BNIP3: variants seen among roughly 807,000 people sequenced by gnomAD.
BNIP3 encodes BCL2/adenovirus E1B 19 kDa protein-interacting protein 3.
A neutral mutation model predicts 23.9 loss-of-function variants in BNIP3; 16 were observed. The ratio of observed to expected loss-of-function variants is 0.67; its 90% CI spans 0.45 to 1.01. BNIP3 has a LOEUF of 1.01. Among genes scored for constraint, BNIP3 ranks in the 50% least tolerant of loss-of-function variants. The pLI, the probability that BNIP3 is intolerant of heterozygous loss-of-function variation, is 0.00. For synonymous variants in BNIP3, 81 were observed against 89.3 expected (o/e 0.91, Z 0.53); for missense variants, 198 against 248.7 (o/e 0.80, Z 1.37).
Position 131,970,538 on chromosome 10 carries a change from G to T in BNIP3, c.539+100C>A. The T allele has an allele frequency of 6.9e-7, 1 of 1,454,308 alleles. No homozygotes were observed. The allele number at this position is 1,454,308 out of a possible 1,614,324, so 90.1% of individuals were successfully genotyped here. A position where few individuals can be genotyped will look rare whatever the true frequency, so the allele number is the denominator to read the frequency against. Reference sequence around the variant, plus strand: ...TGTGAAAATGCACCAAGCTGTAACTGATGATCTGGACTTCAGGAAACAGGT... The same window carrying T: ...TGTGAAAATGCACCAAGCTGTAACTTATGATCTGGACTTCAGGAAACAGGT... On this transcript the variant is annotated intron_variant, in intron 5 of 5. Coordinates refer to ENST00000368636, the MANE Select transcript of BNIP3 (RefSeq NM_004052.4). This position sits in a 1 kb window ranked among gnomAD's most constrained non-coding sequence, Gnocchi z 4.1.
At chr10:131,971,326 G>A in intron 3 of BNIP3, 1 of 270,990 alleles carries the variant, frequency 3.7e-6, no homozygotes, top group South Asian at 4.8e-5. Context: ...CGGCAGCACT[G>A]GTTATAAGAA....
At chr10:131,975,915 G>A (rs961422317) in intron 1 of BNIP3, among the ~76,000 whole-genome samples, 10 of 152,214 alleles carry the variant, frequency 6.6e-5, no homozygotes, top group African/African-American at 2.4e-4. Context: ...GCTCAATGGA[G>A]GAGAAAGGCC....
chr10:131,972,182 T>G (rs2037041161), intron 3 of BNIP3, among the ~76,000 whole-genome samples: 1 of 150,504 alleles, frequency 6.6e-6, no homozygotes, highest in African/African-American at 2.4e-5. Context: ...CAGGTACACT[T>G]TTTCCTCTAA....
At chr10:131,975,803 G>A (rs1160945537) in intron 1 of BNIP3, among the ~76,000 whole-genome samples, 5 of 152,172 alleles carry the variant, frequency 3.3e-5, no homozygotes, top group African/African-American at 7.2e-5. Flanking sequence ...TCAAATGAAC[G>A]CATGATTGTT....
At chr10:131,977,402 G>C (rs1157016300) in intron 1 of BNIP3, among the ~76,000 whole-genome samples, 2 of 152,250 alleles carry the variant, frequency 1.3e-5, no homozygotes, top group Non-Finnish European at 2.9e-5. Context: ...ACAACAGGGA[G>C]AGGAAGATGA....
Position 131,981,783 on chromosome 10 carries a change from C to T in BNIP3, c.24G>A (p.Gly8=). 2 of 1,483,224 alleles carry T rather than the reference C, an allele frequency of 1.3e-6. No individual in the cohort carries two copies. Among genetic ancestry groups the T allele is most frequent in the East Asian group, 2.9e-5 (1 of 34,298 alleles). 91.9% of individuals were successfully genotyped at this position (1,483,224 alleles called of 1,614,324 possible). A position where few individuals can be genotyped will look rare whatever the true frequency, so the allele number is the denominator to read the frequency against. ...CACCCTGCAGGCTCTCCTCCTGCAT[C>T]CCGGGCGCTCCGTTCTGCGACATGG... The part of the protein sequence containing the change: MSQNGAP[G]MQEESLQGSW... The change falls in exon 1 of 6, where the codon GGG becomes GGA. Residue 8 remains glycine, a synonymous_variant. Transcript: ENST00000368636.
Position 131,973,339 on chromosome 10 carries a change from C to T in BNIP3, c.198-221G>A, listed in dbSNP as rs1031740101. On this transcript the variant is annotated intron_variant, in intron 2 of 5. Coordinates refer to ENST00000368636, the MANE Select transcript of BNIP3 (RefSeq NM_004052.4). ...GAGCTAGCCAGTCTTCCAGAGAAGA[C>T]GCAGGGGCAACTGGCAAGCAGCTGG... The T allele has an allele frequency of 1.9e-4, 100 of 534,220 alleles. 1 individual carries two copies. The East Asian group carries it at 3.0e-3, about 16-fold the overall frequency. 33.1% of individuals were successfully genotyped at this position (534,220 alleles called of 1,614,324 possible).
At chr10:131,968,633 GA>G (rs2036992462) in intron 5 of BNIP3, 64 bp from the exon 6 acceptor site, 1 of 1,434,096 alleles carries the variant, frequency 7.0e-7, no homozygotes, top group East Asian at 2.3e-5. Flanking sequence ...TGTTACAGCT[GA>G]AACAGGGTAG....
In BNIP3 at chr10:131,973,890, C is replaced by T. The variant is rs747661174; in HGVS notation, c.100G>A (p.Ala34Thr). 1 of 1,613,328 alleles carries T rather than the reference C, an allele frequency of 6.2e-7. No individual in the cohort carries two copies. Among genetic ancestry groups the T allele is most frequent in the African/African-American group, 1.3e-5 (1 of 74,894 alleles). The change falls in exon 2 of 6, where the codon GCC (alanine) becomes ACC (threonine). Residue 34 changes from alanine (A) to threonine (T), a missense_variant. Transcript: ENST00000368636. Reference sequence around the variant, plus strand: ...TCTCCATTATAAATAGAAACCGAGGCTGGAACGCTGCCCCCGTTCCCATTA... The same window carrying T: ...TCTCCATTATAAATAGAAACCGAGGTTGGAACGCTGCCCCCGTTCCCATTA... ...SNNGNGGSVP[A>T]SVSIYNGDME...
intron 1 of BNIP3, chr10:131,980,324 A>G (rs749374827): frequency 3.9e-5 from 6 of 152,234 alleles, no homozygotes; most frequent in Non-Finnish European, 7.3e-5. Flanking sequence ...AAGAGTTTAT[A>G]AAAACATCCC....
chr10:131,969,112 C>T (rs45519634), intron 5 of BNIP3: 21,368 of 154,374 alleles, frequency 0.14, 1,568 homozygotes, highest in Middle Eastern at 0.16. Flanking sequence ...AGGGCAGAAT[C>T]GGAAGCCTGG....
At chr10:131,981,667 G>A (rs1415384868) in intron 1 of BNIP3, 94 bp downstream of exon 1, 12 of 1,374,094 alleles carry the variant, frequency 8.7e-6, no homozygotes, top group Non-Finnish European at 1.1e-5. Context: ...TGCCCCCTAG[G>A]CCTCCCCGGC....
intron 1 of BNIP3, among the ~76,000 whole-genome samples, chr10:131,974,982 G>T (rs2037068295): frequency 6.6e-6 from 1 of 152,150 alleles, no homozygotes; most frequent in Admixed American, 6.5e-5. Flanking sequence ...TAAATATGTT[G>T]CAAGTAACTT....
At position 131,968,480 on chromosome 10, in the gene BNIP3, C is replaced by G. The variant is rs41306419; in HGVS notation, c.*44G>C. On this transcript the variant is annotated 3_prime_UTR_variant, in exon 6 of 6. Transcript: ENST00000368636. ...TCTTCAGTGAGCTATGTTGCAAGCT[C>G]AGAAGTAATCCACTAACGAACCAAG... 6.6e-7 allele frequency: 1 copy of G among 1,510,196 alleles called. No individual in the cohort carries two copies. Among genetic ancestry groups the G allele is most frequent in the East Asian group, 2.3e-5 (1 of 44,328 alleles). 93.5% of individuals were successfully genotyped at this position (1,510,196 alleles called of 1,614,324 possible).
chr10:131,973,769 A>G (rs746215801), intron 2 of BNIP3, 24 bp downstream of exon 2: 21 of 1,611,180 alleles, frequency 1.3e-5, no homozygotes, highest in Non-Finnish European at 1.8e-5. Context: ...ACTGTAACAC[A>G]TACACTTGTT....
chr10:131,981,349 C>T (rs1476066878), intron 1 of BNIP3: 2 of 253,216 alleles, frequency 7.9e-6, no homozygotes, highest in East Asian at 1.4e-4. Context: ...ACTTGCCACG[C>T]CTTGGTGTTT....
chr10:131,971,226 T>C, intron 3 of BNIP3: 1 of 495,876 alleles, frequency 2.0e-6, no homozygotes, highest in Non-Finnish European at 3.7e-6. Flanking sequence ...AGGGCGTAAA[T>C]ACATTTGGTT....
intron 3 of BNIP3, among the ~76,000 whole-genome samples, chr10:131,972,796 C>T (rs1039229489): frequency 1.3e-5 from 2 of 152,222 alleles, no homozygotes; most frequent in African/African-American, 2.4e-5. Flanking sequence ...ACAGGAGGCC[C>T]CCGCTGCCTG....
In BNIP3 at chr10:131,970,770, T is replaced by C; in HGVS notation, c.407A>G (p.His136Arg). The change falls in exon 5 of 6, where the codon CAC becomes CGC. Residue 136 changes from histidine to arginine, a missense_variant. Transcript: ENST00000368636. The surrounding 1 kb of genome is among the most constrained non-coding windows in gnomAD (Gnocchi z 4.1). ...GCTGAGGGTGGCCGTGCGCTTCGGG[T>C]GTTTAAAGAGGAACTCCCTGAGGCG... ...NIPPKEFLFKHPKRTATLSMR... is the reference protein window; with the variant it reads ...NIPPKEFLFKRPKRTATLSMR... 1 of 1,614,136 alleles carries C rather than the reference T, an allele frequency of 6.2e-7. No individual in the cohort carries two copies. The highest frequency in any genetic ancestry group is 1.1e-5 in the South Asian group (1 of 91,080).
Sources: allele counts gnomAD v4.1 joint callset (sites outside exome capture counted in the v4.1 genomes callset), GRCh38; gene constraint gnomAD v4.1.1; non-coding constraint Gnocchi (gnomAD v3.1); transcripts MANE v1.5; gene names NCBI Gene and HGNC (gene_info 2026-07-23, HGNC 2026-07-21).